TOP6BL: variants seen among roughly 807,000 people sequenced by gnomAD.
TOP6BL encodes the protein TOP6B like initiator of meiotic double strand breaks, also known as type 2 DNA topoisomerase 6 subunit B-like.
the TOP6BL span, among the ~76,000 whole-genome samples, chr11:66,779,911 C>CA: frequency 0.011 from 1,641 of 149,456 alleles, 36 homozygotes; most frequent in African/African-American, 0.038. Context: ...TTTACAAGGA[C>CA]AAAAAACCAA....
At chr11:66,830,592 G>A in the TOP6BL span, among the ~76,000 whole-genome samples, 1 of 152,024 alleles carries the variant, frequency 6.6e-6, no homozygotes, top group Admixed American at 6.6e-5. Flanking sequence ...AAAAATCAAT[G>A]AAACTAAAAG....
At chr11:66,755,904 A>G in the TOP6BL span, among the ~76,000 whole-genome samples, 8 of 152,286 alleles carry the variant, frequency 5.3e-5, no homozygotes, top group South Asian at 2.1e-4. Context: ...ACACCAGTCA[A>G]TGGACTCAGG....
chr11:66,802,078 C>A, the TOP6BL span, among the ~76,000 whole-genome samples: 1 of 152,152 alleles, frequency 6.6e-6, no homozygotes, highest in South Asian at 2.1e-4. Context: ...CAGCCTTGGT[C>A]TCCTGGGCTC....
At chr11:66,774,901 G>T in the TOP6BL span, among the ~76,000 whole-genome samples, 1 of 151,710 alleles carries the variant, frequency 6.6e-6, no homozygotes, top group African/African-American at 2.4e-5. Context: ...ATTACCGGAG[G>T]TGGGAGTTAG....
At chr11:66,837,690 C>G in the TOP6BL span, among the ~76,000 whole-genome samples, 1 of 152,120 alleles carries the variant, frequency 6.6e-6, no homozygotes, top group Non-Finnish European at 1.5e-5. Context: ...GGTGATCTGC[C>G]TGCCTCGGCC....
the TOP6BL span, among the ~76,000 whole-genome samples, chr11:66,757,212 G>T: frequency 6.6e-6 from 1 of 151,952 alleles, no homozygotes; most frequent in Admixed American, 6.6e-5. Context: ...GCGCGGTGGC[G>T]TATGTCTATA....
chr11:66,837,155 C>A, the TOP6BL span, among the ~76,000 whole-genome samples: 1 of 152,028 alleles, frequency 6.6e-6, no homozygotes, highest in African/African-American at 2.4e-5. Flanking sequence ...GAGACAGAGT[C>A]TCACTCTGTC....
chr11:66,751,554 C>A, the TOP6BL span, among the ~76,000 whole-genome samples: 1 of 145,720 alleles, frequency 6.9e-6, no homozygotes, highest in Non-Finnish European at 1.5e-5. Flanking sequence ...CCAGGCTGGT[C>A]TTGAAGTCCT....
chr11:66,770,433 GT>G, the TOP6BL span, among the ~76,000 whole-genome samples: 3 of 152,176 alleles, frequency 2.0e-5, no homozygotes, highest in Admixed American at 6.5e-5. Context: ...GCCAGGCACG[GT>G]GGCTCATGCC....
At chr11:66,782,181 C>T in the TOP6BL span, among the ~76,000 whole-genome samples, 19 of 152,124 alleles carry the variant, frequency 1.2e-4, no homozygotes, top group African/African-American at 3.4e-4. Flanking sequence ...ACACCTTCAT[C>T]GACAGTATGG....
At chr11:66,786,039 C>A in the TOP6BL span, among the ~76,000 whole-genome samples, 1 of 152,154 alleles carries the variant, frequency 6.6e-6, no homozygotes, top group Non-Finnish European at 1.5e-5. Context: ...TGGCTTACAC[C>A]TGTAATCCCA....
the TOP6BL span, among the ~76,000 whole-genome samples, chr11:66,808,212 A>C: frequency 1.3e-5 from 2 of 152,360 alleles, no homozygotes; most frequent in East Asian, 3.9e-4. Flanking sequence ...GGGACTCCAG[A>C]TACTGGTGAT....
At chr11:66,771,659 A>C in the TOP6BL span, 1 of 156,292 alleles carries the variant, frequency 6.4e-6, no homozygotes, top group African/African-American at 2.4e-5. Flanking sequence ...ACTCGATGAA[A>C]TAATTCTGAT....
chr11:66,796,616 C>CA, the TOP6BL span, among the ~76,000 whole-genome samples: 95 of 151,416 alleles, frequency 6.3e-4, 1 homozygote, highest in African/African-American at 2.2e-3. Flanking sequence ...TCTGTCTCTA[C>CA]AAAAAAAATT....
At chr11:66,767,324 A>G in the TOP6BL span, among the ~76,000 whole-genome samples, 5 of 152,066 alleles carry the variant, frequency 3.3e-5, no homozygotes, top group African/African-American at 9.7e-5. Context: ...ATATAGAACT[A>G]TTTCTATCAT....
At chr11:66,821,797 T>A in the TOP6BL span, 4 of 1,607,210 alleles carry the variant, frequency 2.5e-6, no homozygotes, top group Non-Finnish European at 3.4e-6. Context: ...TTTTCTCCTA[T>A]TCTCTAAGAA....
the TOP6BL span, chr11:66,821,709 GTT>G: frequency 1.2e-6 from 2 of 1,613,246 alleles, no homozygotes; most frequent in Non-Finnish European, 1.7e-6. Context: ...GTAGTGCAAG[GTT>G]CCATCCAATT....
chr11:66,799,815 C>T, the TOP6BL span, among the ~76,000 whole-genome samples: 1 of 151,824 alleles, frequency 6.6e-6, no homozygotes, highest in Non-Finnish European at 1.5e-5. Flanking sequence ...TATGATGGCT[C>T]ATTCCTATAA....
chr11:66,843,270 A>G, the TOP6BL span: 2 of 1,602,878 alleles, frequency 1.2e-6, no homozygotes, highest in Non-Finnish European at 8.5e-7. Context: ...ACCGATCCGG[A>G]GGCTGCGGGC....
Sources: gnomAD v4.1 joint callset for allele counts (sites outside exome capture counted in the v4.1 genomes callset) on GRCh38, gnomAD v4.1.1 for gene constraint, MANE v1.5 for transcripts, NCBI Gene and HGNC (gene_info 2026-07-23, HGNC 2026-07-21) for gene names.